Variants in RAB3IL1 observed in about 807,000 individuals in gnomAD.
RAB3IL1 encodes RAB3A interacting protein like 1.
In RAB3IL1, 37 loss-of-function variants were observed where a neutral mutation model predicts 49.2. The observed-to-expected ratio is 0.75, with a 90% CI of 0.58 to 0.99. RAB3IL1 has a LOEUF of 0.99. Ranked by LOEUF, RAB3IL1 falls within the 50% of genes least tolerant of loss-of-function variation. RAB3IL1 has a pLI of 0.00. For synonymous variants in RAB3IL1, 193 were observed against 213.9 expected, an observed-to-expected ratio of 0.90 and a Z score of 0.85; for missense variants, 484 against 513.0, an observed-to-expected ratio of 0.94 and a Z score of 0.55.
chr11:61,904,902 AG>A lies in RAB3IL1; in HGVS notation c.658-21del. The A allele has an allele frequency of 7.3e-7, 1 of 1,372,550 alleles. No individual in the cohort carries two copies. Among genetic ancestry groups the A allele is most frequent in the South Asian group, 1.3e-5 (1 of 79,820 alleles). The allele number at this position is 1,372,550 out of a possible 1,614,324, so 85.0% of individuals were successfully genotyped here. ...GTCCACCTGTGGGGGAGGGCAAGCG[AG>A]GGTGGGGGCGGTCAGGGTACTGGGG... On this transcript the variant is annotated intron_variant, in intron 5 of 9. Coordinates refer to ENST00000394836, the MANE Select transcript of RAB3IL1 (RefSeq NM_013401.4).
At position 61,902,537 on chromosome 11, in the gene RAB3IL1, A is replaced by G. The variant is rs1390856773; in HGVS notation, c.904T>C (p.Cys302Arg). The change falls in exon 8 of 10, where the codon TGT (cysteine) becomes CGT (arginine). Residue 302 changes from cysteine (C) to arginine (R), a missense_variant. Transcript: ENST00000394836. ...GTGCGGGTCAGCCCGCTCAGGGCAC[A>G]TGTGCTAGGGGAAAGCAAAATGGGT... Reference protein sequence around the residue: ...AEVDCSSTNTCALSGLTRTCR... With the variant: ...AEVDCSSTNTRALSGLTRTCR... 1 of 1,597,026 alleles carries G rather than the reference A, an allele frequency of 6.3e-7. No homozygotes were observed. The highest frequency in any genetic ancestry group is 1.3e-5 in the African/African-American group (1 of 75,002).
the RAB3IL1 span, among the ~76,000 whole-genome samples, chr11:61,944,969 G>A: frequency 6.6e-6 from 1 of 152,250 alleles, no homozygotes; most frequent in South Asian, 2.1e-4. Context: ...CCAAAGTGCT[G>A]GGATTACAGG....
the RAB3IL1 span, among the ~76,000 whole-genome samples, chr11:61,944,263 C>CT: frequency 6.6e-6 from 1 of 150,538 alleles, no homozygotes; most frequent in East Asian, 1.9e-4. Context: ...TCCTTCCTTC[C>CT]TTCCTTCCCT....
chr11:61,898,243 T>G lies in RAB3IL1; in HGVS notation c.*35A>C, dbSNP rs368140641. 241 of 1,596,794 alleles carry G rather than the reference T, an allele frequency of 1.5e-4. No homozygotes were observed. Among genetic ancestry groups the G allele is most frequent in the Non-Finnish European group, 2.0e-4 (229 of 1,169,516 alleles). On this transcript the variant is annotated 3_prime_UTR_variant, in exon 10 of 10. Transcript: ENST00000394836. This position sits in a 1 kb window ranked among gnomAD's most constrained non-coding sequence, Gnocchi z 5.1. Reference sequence around the variant, plus strand: ...CTTGTTCTGGGGTGGGTGTTTGCTCTGTCTCAGAGCTCCCCTTCAGGCCTG... The same window carrying G: ...CTTGTTCTGGGGTGGGTGTTTGCTCGGTCTCAGAGCTCCCCTTCAGGCCTG...
At chr11:61,917,695 A>G (rs1939771598), upstream of RAB3IL1, 2 of 461,956 alleles carry the variant, frequency 4.3e-6, no homozygotes, top group Non-Finnish European at 5.7e-6. Flanking sequence ...CAGGGAGACC[A>G]CGGCGCTCGG....
chr11:61,906,749 T>C lies in RAB3IL1; in HGVS notation c.439-65A>G. ...GGATGCCATCCTGGCTGCCACCGCCTATCAGCCTAACTCAGGACAATGCAC... is the reference window on the plus strand; with the variant it reads ...GGATGCCATCCTGGCTGCCACCGCCCATCAGCCTAACTCAGGACAATGCAC... On this transcript the variant is annotated intron_variant, in intron 4 of 9. Coordinates refer to ENST00000394836, the MANE Select transcript of RAB3IL1 (RefSeq NM_013401.4). This position sits in a 1 kb window ranked among gnomAD's most constrained non-coding sequence, Gnocchi z 4.6. The C allele has an allele frequency of 2.1e-6, 3 of 1,454,730 alleles. No homozygotes were observed. The highest frequency in any genetic ancestry group is 2.8e-6 in the Non-Finnish European group (3 of 1,063,652). 90.1% of individuals were successfully genotyped at this position (1,454,730 alleles called of 1,614,324 possible).
chr11:61,940,519 G>T, the RAB3IL1 span, among the ~76,000 whole-genome samples: 1 of 152,170 alleles, frequency 6.6e-6, no homozygotes, highest in African/African-American at 2.4e-5. Flanking sequence ...CAGGCATAGT[G>T]GTTATGCCTG....
the RAB3IL1 span, among the ~76,000 whole-genome samples, chr11:61,934,489 T>TATAC: frequency 5.4e-5 from 7 of 129,888 alleles, 1 homozygote; most frequent in African/African-American, 1.8e-4. Context: ...TATATATATA[T>TATAC]ATATATTCTA....
the RAB3IL1 span, among the ~76,000 whole-genome samples, chr11:61,927,177 C>T: frequency 6.6e-6 from 1 of 152,128 alleles, no homozygotes; most frequent in Admixed American, 6.6e-5. Flanking sequence ...TGGGACCTCC[C>T]TCCATCTCTC....
At chr11:61,918,088 C>G (rs1193486942), upstream of RAB3IL1, among the ~76,000 whole-genome samples, 1 of 152,220 alleles carries the variant, frequency 6.6e-6, no homozygotes, top group Non-Finnish European at 1.5e-5. Flanking sequence ...TTAACACGCT[C>G]TGCCCATCCC....
At chr11:61,945,778 C>T in the RAB3IL1 span, 16 of 985,194 alleles carry the variant, frequency 1.6e-5, no homozygotes, top group African/African-American at 3.5e-5. Flanking sequence ...CTCACCTGGC[C>T]GACTGCAGCC....
chr11:61,934,450 G>GTGTATGTATGTATATATATATATATA, the RAB3IL1 span, among the ~76,000 whole-genome samples: 6 of 31,600 alleles, frequency 1.9e-4, no homozygotes, highest in Non-Finnish European at 2.8e-4. Flanking sequence ...GTGTGTGTAT[G>GTGTATGTATGTATATATATATATATA]TATATATATA....
At chr11:61,902,598 C>T (rs1938977355) in intron 7 of RAB3IL1, 57 bp from the exon 8 acceptor site, 2 of 1,431,764 alleles carry the variant, frequency 1.4e-6, no homozygotes, top group Non-Finnish European at 1.9e-6. Flanking sequence ...CTCTCCCTCA[C>T]CCCTGCATAC....
At chr11:61,907,282 G>T in intron 4 of RAB3IL1, 111 bp downstream of exon 4, 1 of 1,145,270 alleles carries the variant, frequency 8.7e-7, no homozygotes, top group Non-Finnish European at 1.3e-6. Flanking sequence ...ATTCCTGCTG[G>T]CCCCACCGGG....
chr11:61,899,491 G>C, intron 8 of RAB3IL1, 111 bp from the exon 9 acceptor site: 1 of 1,017,018 alleles, frequency 9.8e-7, no homozygotes, highest in Non-Finnish European at 1.5e-6. Flanking sequence ...GAGCCAGGCA[G>C]TGCTCCCTGA....
At chr11:61,943,021 T>A in the RAB3IL1 span, among the ~76,000 whole-genome samples, 1 of 152,192 alleles carries the variant, frequency 6.6e-6, no homozygotes, top group Admixed American at 6.5e-5. Flanking sequence ...AAAATTCACA[T>A]GGAATTGCAA....
At chr11:61,935,959 A>AT in the RAB3IL1 span, among the ~76,000 whole-genome samples, 1 of 110,468 alleles carries the variant, frequency 9.1e-6, no homozygotes, top group Admixed American at 9.8e-5. Flanking sequence ...CAAGAGGAAC[A>AT]TTTAAAAAAA....
At chr11:61,936,484 A>T in the RAB3IL1 span, among the ~76,000 whole-genome samples, 110 of 152,264 alleles carry the variant, frequency 7.2e-4, no homozygotes, top group African/African-American at 2.5e-3. Flanking sequence ...TCACTGTAAC[A>T]TCTGCCTCCT....
chr11:61,899,294 G>T lies in RAB3IL1; in HGVS notation c.1066+20C>A, dbSNP rs374264449. On this transcript the variant is annotated intron_variant, in intron 9 of 9. Transcript: ENST00000394836. ...CACTCCCGTGTGCGATCCCTGCACCGGCCACCAGGGGGCGCTCACCGTCCT... is the reference window on the plus strand; with the variant it reads ...CACTCCCGTGTGCGATCCCTGCACCTGCCACCAGGGGGCGCTCACCGTCCT... 39 of 1,600,260 alleles carry T rather than the reference G, an allele frequency of 2.4e-5. No homozygotes were observed. Among genetic ancestry groups the T allele is most frequent in the Non-Finnish European group, 3.0e-5 (35 of 1,178,148 alleles).
Sources: gnomAD v4.1 joint callset for allele counts (sites outside exome capture counted in the v4.1 genomes callset) on GRCh38, gnomAD v4.1.1 for gene constraint, Gnocchi (gnomAD v3.1) non-coding constraint, MANE v1.5 for transcripts, NCBI Gene and HGNC (gene_info 2026-07-23, HGNC 2026-07-21) for gene names.